Variants in GPLD1 observed in about 807,000 individuals in gnomAD.
GPLD1 encodes the protein glycosylphosphatidylinositol specific phospholipase D1.
GPLD1 carries 84 observed loss-of-function variants against 112.6 expected under a neutral mutation model. The observed-to-expected ratio is 0.75, with a 90% CI of 0.63 to 0.89. GPLD1 has a LOEUF of 0.89. GPLD1 is among the 40% of genes least tolerant of loss of function. The pLI is 0.00. For synonymous variants in GPLD1, 386 were observed against 403.8 expected, an observed-to-expected ratio of 0.96 and a Z score of 0.53; for missense variants, 1,044 against 1,051.5, an observed-to-expected ratio of 0.99 and a Z score of 0.10.
At chr6:24,458,813 G>A (rs1348148818) in intron 12 of GPLD1, among the ~76,000 whole-genome samples, 7 of 152,186 alleles carry the variant, frequency 4.6e-5, no homozygotes, top group African/African-American at 1.7e-4. Context: ...GGGAGGCAGA[G>A]GTTACAGTGA....
Position 24,449,696 on chromosome 6 carries a change from T to C in GPLD1, c.1446+93A>G, listed in dbSNP as rs1211172959. 6.2e-6 allele frequency: 5 copies of C among 800,614 alleles called. No homozygotes were observed. The East Asian group carries it at 1.2e-4, about 20-fold the overall frequency. The allele number at this position is 800,614 out of a possible 1,614,324, so 49.6% of individuals were successfully genotyped here. ...TCTGTCTCACACACTGGCTGTCTGC[T>C]TTGCTCCAGGGGCTCATCCCAGCGT... On this transcript the variant is annotated intron_variant, in intron 15 of 24. Transcript: ENST00000230036.
chr6:24,456,128 G>A (rs1281459409), intron 13 of GPLD1, among the ~76,000 whole-genome samples: 1 of 152,238 alleles, frequency 6.6e-6, no homozygotes, highest in Non-Finnish European at 1.5e-5. Flanking sequence ...GCTGGGCACA[G>A]TGGCTCACAC....
At chr6:24,478,809 T>C (rs1286846430) in intron 3 of GPLD1, among the ~76,000 whole-genome samples, 1 of 152,272 alleles carries the variant, frequency 6.6e-6, no homozygotes, top group South Asian at 2.1e-4. Context: ...AACTATCTTT[T>C]GCAATTCCTC....
chr6:24,494,237 T>G (rs1298386049), upstream of GPLD1, among the ~76,000 whole-genome samples: 1 of 152,222 alleles, frequency 6.6e-6, no homozygotes, highest in Non-Finnish European at 1.5e-5. Flanking sequence ...CATTTTACGT[T>G]ATCTCACAAC....
intron 22 of GPLD1, among the ~76,000 whole-genome samples, chr6:24,434,741 G>A (rs2127315147): frequency 6.6e-6 from 1 of 151,324 alleles, no homozygotes; most frequent in East Asian, 2.0e-4. Context: ...GGGAGGCTGA[G>A]GCAGGAGAAT....
At position 24,488,577 on chromosome 6, in the gene GPLD1, A is replaced by C. The variant is rs545599005; in HGVS notation, c.97+838T>G. 5.3e-5 allele frequency among the ~76,000 whole-genome samples: 8 copies of C among 152,356 alleles called. No individual in the cohort carries two copies. In the East Asian group the frequency reaches 1.5e-3, roughly 29 times the overall value. On this transcript the variant is annotated intron_variant, in intron 1 of 24. Coordinates refer to ENST00000230036, the MANE Select transcript of GPLD1 (RefSeq NM_001503.4). ...ATACAAGAACCAAATCCTTTTGCTA[A>C]GAAAGATCTTAAGTGTTCTCAGCCC...
chr6:24,449,022 G>A (rs150119680), intron 15 of GPLD1, among the ~76,000 whole-genome samples: 1 of 152,224 alleles, frequency 6.6e-6, no homozygotes, highest in East Asian at 1.9e-4. Flanking sequence ...AGCACAGGAT[G>A]CTAAGTGGGG....
At chr6:24,452,832 T>C (rs1383569399) in intron 14 of GPLD1, among the ~76,000 whole-genome samples, 2 of 151,026 alleles carry the variant, frequency 1.3e-5, no homozygotes, top group African/African-American at 4.9e-5. Context: ...CTTCACAGGA[T>C]TCACTTCACA....
In GPLD1 at chr6:24,428,875, T is replaced by G. The variant is rs181288424; in HGVS notation, c.*157A>C. On this transcript the variant is annotated 3_prime_UTR_variant, in exon 25 of 25. Coordinates refer to ENST00000230036, the MANE Select transcript of GPLD1 (RefSeq NM_001503.4). ...TTTACTGTATCAGATTTCCAGAGGGTGTGGCTGTTAGTGTGTCTCTCTACT... is the reference window on the plus strand; with the variant it reads ...TTTACTGTATCAGATTTCCAGAGGGGGTGGCTGTTAGTGTGTCTCTCTACT... The G allele has an allele frequency of 8.6e-5, 43 of 501,290 alleles. No individual in the cohort carries two copies. The East Asian group carries it at 1.1e-3, about 12-fold the overall frequency. 31.1% of individuals were successfully genotyped at this position (501,290 alleles called of 1,614,324 possible). A position where few individuals can be genotyped will look rare whatever the true frequency, so the allele number is the denominator to read the frequency against.
At position 24,489,459 on chromosome 6, in the gene GPLD1, C is replaced by T; in HGVS notation, c.53G>A (p.Cys18Tyr). 1 of 1,613,970 alleles carries T rather than the reference C, an allele frequency of 6.2e-7. No individual in the cohort carries two copies. The highest frequency in any genetic ancestry group is 8.5e-7 in the Non-Finnish European group (1 of 1,179,876). ...PGLLIMLGSLCHRGSPCGLST... is the reference protein window; with the variant it reads ...PGLLIMLGSLYHRGSPCGLST... ...AAGGCCACACGGTGAACCTCTATGG[C>T]AGAGAGAACCCAACATGATCAGCAG... The change falls in exon 1 of 25, where the codon TGC becomes TAC. Residue 18 changes from cysteine to tyrosine, a missense_variant. Cys to Tyr is a radical substitution (Grantham distance 194). Coordinates refer to ENST00000230036, the MANE Select transcript of GPLD1 (RefSeq NM_001503.4).
chr6:24,486,226 G>C (rs1304929128), intron 1 of GPLD1, 96 bp from the exon 2 acceptor site: 1 of 794,154 alleles, frequency 1.3e-6, no homozygotes, highest in Non-Finnish European at 2.1e-6. Context: ...ACAATTTGTG[G>C]TTATAACTGT....
intron 1 of GPLD1, among the ~76,000 whole-genome samples, chr6:24,487,692 T>C (rs1764423500): frequency 6.6e-6 from 1 of 152,190 alleles, no homozygotes; most frequent in Non-Finnish European, 1.5e-5. Flanking sequence ...AATTGAGAGG[T>C]AGGTAAAAAG....
rs1351852795 is a variant in GPLD1 at position 24,441,495 on chromosome 6, T to TA, written c.2020+4050dup. Among the ~76,000 whole-genome samples, 17 of 152,290 alleles carry TA rather than the reference T, an allele frequency of 1.1e-4. 2 individuals are homozygous for TA. Among genetic ancestry groups the TA allele is most frequent in the Middle Eastern group, 6.8e-3 (2 of 294 alleles). On this transcript the variant is annotated intron_variant, in intron 20 of 24. Coordinates refer to ENST00000230036, the MANE Select transcript of GPLD1 (RefSeq NM_001503.4). Reference sequence around the variant, plus strand: ...CTACTGGGTGGAGGCCGGTCACAGTTACGACACGAGAGTCCTGCATTCGTT... The same window carrying TA: ...CTACTGGGTGGAGGCCGGTCACAGTTAACGACACGAGAGTCCTGCATTCGTT...
chr6:24,446,781 T>G (rs75734573), intron 18 of GPLD1, 57 bp downstream of exon 18: 4 of 1,568,590 alleles, frequency 2.6e-6, no homozygotes, highest in African/African-American at 1.4e-5. Context: ...GTGCGCTCCA[T>G]AGCAGCAGGT....
At position 24,479,967 on chromosome 6, in the gene GPLD1, G is replaced by T; in HGVS notation, c.154-8C>A. On this transcript the variant is annotated splice_region_variant and splice_polypyrimidine_tract_variant and intron_variant, in intron 2 of 24. Coordinates refer to ENST00000230036, the MANE Select transcript of GPLD1 (RefSeq NM_001503.4). ...CTGGTGTTCTAGTAACAGCTGCAGA[G>T]CAAGAAAATACAGAGATTAAGGGGC... The T allele has an allele frequency of 1.3e-6, 2 of 1,580,170 alleles. No homozygotes were observed. Among genetic ancestry groups the T allele is most frequent in the Non-Finnish European group, 1.7e-6 (2 of 1,149,210 alleles).
intron 12 of GPLD1, among the ~76,000 whole-genome samples, chr6:24,457,590 T>A (rs1763308049): frequency 2.0e-5 from 3 of 151,944 alleles, no homozygotes; most frequent in Admixed American, 2.0e-4. Flanking sequence ...GCCAAAGATA[T>A]CCTCCAGACC....
chr6:24,493,126 G>A (rs1298347977), upstream of GPLD1, among the ~76,000 whole-genome samples: 1 of 152,166 alleles, frequency 6.6e-6, no homozygotes, highest in Non-Finnish European at 1.5e-5. Flanking sequence ...TTTTGAACAA[G>A]AGAGGCAGCC....
At chr6:24,471,920 C>T (rs1040324741) in intron 7 of GPLD1, among the ~76,000 whole-genome samples, 2 of 152,112 alleles carry the variant, frequency 1.3e-5, no homozygotes, top group African/African-American at 4.8e-5. Context: ...ATCAGAAGTA[C>T]ACATTACAAA....
At chr6:24,484,008 C>T (rs575014232) in intron 2 of GPLD1, among the ~76,000 whole-genome samples, 2 of 152,254 alleles carry the variant, frequency 1.3e-5, no homozygotes, top group South Asian at 2.1e-4. Context: ...CTCCGCCTCC[C>T]GGGTTCACGC....
Sources: allele counts gnomAD v4.1 joint callset (sites outside exome capture counted in the v4.1 genomes callset), GRCh38; gene constraint gnomAD v4.1.1; transcripts MANE v1.5; gene names NCBI Gene and HGNC (gene_info 2026-07-23, HGNC 2026-07-21).